TMPRSS15: variants seen among roughly 807,000 people sequenced by gnomAD.
TMPRSS15 encodes the protein transmembrane serine protease 15, also known as enteropeptidase.
In TMPRSS15, 128 loss-of-function variants were observed where a neutral mutation model predicts 125.3. That is an observed-to-expected ratio of 1.02 (90% CI 0.89 to 1.18). TMPRSS15 has a LOEUF of 1.18. TMPRSS15 is among the 50% of genes most tolerant of loss of function. The probability of loss-of-function intolerance (pLI) is 0.00; values close to 1 mark genes in which losing one functional copy is unlikely to be tolerated. For missense variants in TMPRSS15, 1,283 were observed against 1,212.7 expected (o/e 1.06, Z -0.86); for synonymous variants, 446 against 423.2 (o/e 1.05, Z -0.66).
intron 21 of TMPRSS15, among the ~76,000 whole-genome samples, chr21:18,286,138 C>A (rs1326932172): frequency 6.6e-6 from 1 of 152,118 alleles, no homozygotes; most frequent in Admixed American, 6.6e-5. Flanking sequence ...CCAGGATTCA[C>A]CATGCACTTG....
intron 19 of TMPRSS15, among the ~76,000 whole-genome samples, chr21:18,296,108 A>G (rs991081405): frequency 1.3e-5 from 2 of 152,106 alleles, no homozygotes; most frequent in Non-Finnish European, 2.9e-5. Context: ...AGCCGAGATC[A>G]CGCCACTGCA....
chr21:18,296,803 A>G (rs1037441549), intron 19 of TMPRSS15, among the ~76,000 whole-genome samples: 1 of 152,186 alleles, frequency 6.6e-6, no homozygotes, highest in Non-Finnish European at 1.5e-5. Context: ...GAGACTCATA[A>G]TATCAGTCAA....
chr21:18,300,542 A>T (rs1473430733), intron 18 of TMPRSS15, among the ~76,000 whole-genome samples: 1 of 150,980 alleles, frequency 6.6e-6, no homozygotes, highest in African/African-American at 2.4e-5. Flanking sequence ...AGGGTGTTTC[A>T]CTATGTTGGC....
In TMPRSS15 at chr21:18,397,974, T is replaced by C. The variant is rs547487147; in HGVS notation, c.277-28A>G. On this transcript the variant is annotated intron_variant, in intron 2 of 24. Transcript: ENST00000284885. ...AGAAAAATATAAAAGATTGAATGAG[T>C]ATACTAAATTTAGGATTTTAACTTT... 20 of 1,357,480 alleles carry C rather than the reference T, an allele frequency of 1.5e-5. No individual in the cohort carries two copies. The East Asian group carries it at 3.9e-4, about 26-fold the overall frequency. The allele number at this position is 1,357,480 out of a possible 1,614,324, so 84.1% of individuals were successfully genotyped here.
At chr21:18,271,527 A>G (rs1369568491) in intron 24 of TMPRSS15, among the ~76,000 whole-genome samples, 1 of 152,060 alleles carries the variant, frequency 6.6e-6, no homozygotes, top group South Asian at 2.1e-4. Flanking sequence ...TGTTTCCATT[A>G]CTTCTTGTCA....
intron 13 of TMPRSS15, among the ~76,000 whole-genome samples, chr21:18,333,667 C>G (rs1814401610): frequency 6.6e-6 from 1 of 151,914 alleles, no homozygotes; most frequent in Non-Finnish European, 1.5e-5. Flanking sequence ...TAATCAATGC[C>G]CCGATCTGGT....
At chr21:18,356,652 C>T (rs1291678667) in intron 8 of TMPRSS15, among the ~76,000 whole-genome samples, 2 of 151,760 alleles carry the variant, frequency 1.3e-5, no homozygotes, top group African/African-American at 4.8e-5. Flanking sequence ...AACTTTTCCA[C>T]ATAACATACC....
At chr21:18,358,181 A>G (rs1175791740) in intron 8 of TMPRSS15, among the ~76,000 whole-genome samples, 1 of 151,828 alleles carries the variant, frequency 6.6e-6, no homozygotes, top group Non-Finnish European at 1.5e-5. Context: ...TAGACAGACC[A>G]TGGTATTTGA....
chr21:18,413,465 T>C (rs1226070271), intron 1 of TMPRSS15, among the ~76,000 whole-genome samples: 1 of 151,352 alleles, frequency 6.6e-6, no homozygotes, highest in East Asian at 2.0e-4. Flanking sequence ...TCACCCAGGC[T>C]GGAGTGCAGT....
intron 18 of TMPRSS15, among the ~76,000 whole-genome samples, chr21:18,306,401 G>GA (rs978638848): frequency 1.3e-5 from 2 of 152,118 alleles, no homozygotes; most frequent in Admixed American, 1.3e-4. Flanking sequence ...AAGGCTTATT[G>GA]AAAAACATTT....
intron 7 of TMPRSS15, 139 bp downstream of exon 7, chr21:18,365,001 A>G: frequency 1.4e-6 from 1 of 705,078 alleles, no homozygotes; most frequent in Non-Finnish European, 2.4e-6. Flanking sequence ...AGTTTTTTGT[A>G]CAGTTTTTCA....
chr21:18,439,058 A>G (rs1043801141), intron 1 of TMPRSS15, among the ~76,000 whole-genome samples: 8 of 152,162 alleles, frequency 5.3e-5, no homozygotes, highest in Admixed American at 5.2e-4. Flanking sequence ...TCTAAAAGTC[A>G]ATTCTCTCTT....
At chr21:18,372,362 G>C in intron 5 of TMPRSS15, 38 bp from the exon 6 acceptor site, 2 of 1,599,210 alleles carry the variant, frequency 1.3e-6, no homozygotes, top group Non-Finnish European at 8.6e-7. Flanking sequence ...CAATTGATGA[G>C]ATATGTACAA....
rs2076117274 is a variant in TMPRSS15 at position 18,403,596 on chromosome 21, A to G, written c.27T>C (p.Ser9=). 5 of 1,614,186 alleles carry G rather than the reference A, an allele frequency of 3.1e-6. No individual in the cohort carries two copies. The highest frequency in any genetic ancestry group is 3.4e-6 in the Non-Finnish European group (4 of 1,180,008). The change falls in exon 1 of 25, where the codon TCT becomes TCC. Residue 9 remains serine, a synonymous_variant. Transcript: ENST00000284885. ...CATAGGAGCTGAGAGAATGATGCCT[A>G]GAAGATATGCCTCTTTTCGACCCCA... The part of the protein sequence containing the change: MGSKRGIS[S]RHHSLSSYEI...
chr21:18,407,390 A>AAC (rs956147914), upstream of TMPRSS15, among the ~76,000 whole-genome samples: 4 of 151,894 alleles, frequency 2.6e-5, no homozygotes, highest in African/African-American at 9.7e-5. Context: ...CTTACCAAAT[A>AAC]ATTATTAAAA....
At chr21:18,339,451 G>A (rs925493099) in intron 13 of TMPRSS15, among the ~76,000 whole-genome samples, 6 of 152,122 alleles carry the variant, frequency 3.9e-5, no homozygotes, top group Admixed American at 3.9e-4. Context: ...TTGAAGATTG[G>A]AAGCAGAAAA....
At chr21:18,322,018 C>A (rs2075243963) in intron 16 of TMPRSS15, among the ~76,000 whole-genome samples, 1 of 152,158 alleles carries the variant, frequency 6.6e-6, no homozygotes, top group Admixed American at 6.5e-5. Flanking sequence ...ACTAATTTAA[C>A]AGTATAAATG....
chr21:18,387,379 T>C (rs989850157), intron 3 of TMPRSS15, among the ~76,000 whole-genome samples: 5 of 152,134 alleles, frequency 3.3e-5, no homozygotes, highest in Admixed American at 3.3e-4. Flanking sequence ...ATTGGTAACC[T>C]TTAGGGCTGC....
At chr21:18,420,697 A>G (rs2076190399) in intron 1 of TMPRSS15, among the ~76,000 whole-genome samples, 1 of 152,160 alleles carries the variant, frequency 6.6e-6, no homozygotes, top group African/African-American at 2.4e-5. Flanking sequence ...GAGTTTTTCA[A>G]ATAGCATGGC....
Sources: gnomAD v4.1 joint callset for allele counts (sites outside exome capture counted in the v4.1 genomes callset) on GRCh38, gnomAD v4.1.1 for gene constraint, MANE v1.5 for transcripts, NCBI Gene and HGNC (gene_info 2026-07-23, HGNC 2026-07-21) for gene names.